Variants in SEC24C observed in about 807,000 individuals in gnomAD.
SEC24C encodes SEC24 homolog C, COPII component.
In SEC24C, 22 loss-of-function variants were observed where a neutral mutation model predicts 117.0. That is an observed-to-expected ratio of 0.19 (90% CI 0.13 to 0.27). SEC24C has a LOEUF of 0.27. Among genes scored for constraint, SEC24C ranks in the 10% least tolerant of loss-of-function variants. SEC24C has a pLI of 1.00. For synonymous variants in SEC24C, 506 were observed against 529.4 expected, an observed-to-expected ratio of 0.96 and a Z score of 0.61; for missense variants, 1,155 against 1,375.1, an observed-to-expected ratio of 0.84 and a Z score of 2.53.
intron 2 of SEC24C, among the ~76,000 whole-genome samples, chr10:73,748,799 A>G (rs937189696): frequency 3.3e-5 from 5 of 151,022 alleles, no homozygotes; most frequent in Non-Finnish European, 7.4e-5. Flanking sequence ...CTGGAGTGCA[A>G]TGGCACAATC....
intron 3 of SEC24C, among the ~76,000 whole-genome samples, chr10:73,755,284 A>C (rs796525279): frequency 1.3e-5 from 2 of 152,306 alleles, no homozygotes; most frequent in African/African-American, 4.8e-5. Context: ...CCAAATTGTA[A>C]GATGAAGATG....
chr10:73,747,467 T>G (rs1364343850), intron 2 of SEC24C, among the ~76,000 whole-genome samples: 1 of 151,786 alleles, frequency 6.6e-6, no homozygotes, highest in Non-Finnish European at 1.5e-5. Context: ...GTTCTCTGCC[T>G]CAGCCTCCTG....
At chr10:73,768,734 A>G (rs576847056) in intron 15 of SEC24C, 76 bp from the exon 16 acceptor site, 1 of 1,355,664 alleles carries the variant, frequency 7.4e-7, no homozygotes, top group South Asian at 1.2e-5. Flanking sequence ...TGTAGAGTGG[A>G]AGGGGTACAG....
chr10:73,746,719 C>G, intron 1 of SEC24C, 86 bp from the exon 2 acceptor site: 1 of 861,996 alleles, frequency 1.2e-6, no homozygotes, highest in Non-Finnish European at 1.7e-6. Flanking sequence ...CTGATAAGGT[C>G]AATTTCTTTT....
chr10:73,757,601 G>T (rs1451707317), intron 3 of SEC24C, among the ~76,000 whole-genome samples: 1 of 151,586 alleles, frequency 6.6e-6, no homozygotes, highest in Non-Finnish European at 1.5e-5. Context: ...CCACACCTCA[G>T]TCCGGGCTGG....
chr10:73,767,645 G>A (rs979228835), intron 14 of SEC24C, among the ~76,000 whole-genome samples, 192 bp from the exon 15 acceptor site: 51 of 152,084 alleles, frequency 3.4e-4, no homozygotes, highest in Non-Finnish European at 8.8e-5. Flanking sequence ...GCCAGCCTGG[G>A]TGACAGAGTG....
Position 73,767,843 on chromosome 10 carries a change from T to C in SEC24C, c.2017T>C (p.Phe673Leu), listed in dbSNP as rs745396364. 1 of 1,609,758 alleles carries C rather than the reference T, an allele frequency of 6.2e-7. No individual in the cohort carries two copies. Among genetic ancestry groups the C allele is most frequent in the Non-Finnish European group, 8.5e-7 (1 of 1,177,680 alleles). The change falls in exon 15 of 23, where the codon TTC (phenylalanine) becomes CTC (leucine). Residue 673 changes from phenylalanine to leucine, a missense_variant. By Grantham distance (22) the Phe-to-Leu change is conservative. Transcript: ENST00000345254. The part of the protein sequence containing the change: ...LINTDKEKTL[F>L]QPQTGAYQTL... ...CCATTTTCTTTCCCCCTAGACTCTG[T>C]TCCAGCCTCAGACAGGTGCCTATCA...
chr10:73,764,135 C>T, intron 8 of SEC24C, 152 bp downstream of exon 8: 1 of 1,060,996 alleles, frequency 9.4e-7, no homozygotes, highest in African/African-American at 1.6e-5. Flanking sequence ...TATCCCAGGG[C>T]CCATGCCTGG....
chr10:73,746,158 C>CAAAAAAA (rs71021568), intron 1 of SEC24C, among the ~76,000 whole-genome samples: 2 of 93,060 alleles, frequency 2.1e-5, no homozygotes, highest in Non-Finnish European at 4.0e-5. Flanking sequence ...GACTCCGTCT[C>CAAAAAAA]AAAAAAAAAA....
intron 2 of SEC24C, among the ~76,000 whole-genome samples, chr10:73,748,279 G>A (rs1296027285): frequency 2.0e-5 from 3 of 151,208 alleles, no homozygotes; most frequent in Non-Finnish European, 4.4e-5. Flanking sequence ...GTGATTACAG[G>A]CTCCCGCCAC....
At chr10:73,748,282 C>A (rs1441255923) in intron 2 of SEC24C, among the ~76,000 whole-genome samples, 1 of 146,336 alleles carries the variant, frequency 6.8e-6, no homozygotes, top group South Asian at 2.2e-4. Context: ...ATTACAGGCT[C>A]CCGCCACCAT....
rs755120127 is a variant in SEC24C, at chr10:73,769,459, C to T, written c.2537C>T (p.Thr846Met). 11 of 1,614,044 alleles carry T rather than the reference C, an allele frequency of 6.8e-6. No homozygotes were observed. The highest frequency in any genetic ancestry group is 4.5e-5 in the East Asian group (2 of 44,888). Residue 846 changes from threonine to methionine, a missense_variant, in exon 18 of 23, where the codon ACG becomes ATG. Physicochemically the swap from Thr to Met is moderately conservative, Grantham distance 81. This residue lies in a region of SEC24C where 759 missense variants were observed against 992.3 expected (regional missense o/e 0.76). Coordinates refer to ENST00000345254, the MANE Select transcript of SEC24C (RefSeq NM_198597.3). The surrounding 1 kb of genome is among the most constrained non-coding windows in gnomAD (Gnocchi z 4.5). ...ADLYRNCETDTLINYMAKFAY... is the reference protein window; with the variant it reads ...ADLYRNCETDMLINYMAKFAY... The stretch of plus-strand genomic sequence containing the variant: ...CTATATCGAAACTGTGAGACTGACA[C>T]GCTCATCAACTACATGGCCAAGTTT...
At chr10:73,751,071 A>G in intron 2 of SEC24C, 37 bp from the exon 3 acceptor site, 2 of 1,597,872 alleles carry the variant, frequency 1.3e-6, no homozygotes, top group Non-Finnish European at 1.7e-6. Flanking sequence ...GGAGAAAGTT[A>G]TTTCCCAATC....
At position 73,760,746 on chromosome 10, in the gene SEC24C, A is replaced by G. The variant is rs1424633213; in HGVS notation, c.884A>G (p.Asn295Ser). Residue 295 changes from asparagine (N) to serine (S), a missense_variant, in exon 6 of 23, where the codon AAT (asparagine) becomes AGT (serine). Asn to Ser is a conservative substitution (Grantham distance 46). Around this residue, in one of 2 missense-constraint regions of SEC24C, gnomAD observed 396 missense variants for 382.8 expected, o/e 1.03. Transcript: ENST00000345254. ...GGACCAGCCCGGGGCCCTCAGTCTA[A>G]TTATGGAGGCCCCTACCCAGCAGCA... is the stretch of plus-strand genomic sequence containing the variant. ...SFGPARGPQSNYGGPYPAAPT... is the reference protein window; with the variant it reads ...SFGPARGPQSSYGGPYPAAPT... 6.2e-7 allele frequency: 1 copy of G among 1,613,242 alleles called. No individual in the cohort carries two copies. Among genetic ancestry groups the G allele is most frequent in the South Asian group, 1.1e-5 (1 of 91,006 alleles).
Position 73,769,240 on chromosome 10 carries a change from A to G in SEC24C, c.2424+88A>G, listed in dbSNP as rs2082934939. ...AGGAATGGGTAGAGAGCACTAAAAG[A>G]AGAGACAGGGCACGGGAGTGGCTCA... On this transcript the variant is annotated intron_variant, in intron 17 of 22. Coordinates refer to ENST00000345254, the MANE Select transcript of SEC24C (RefSeq NM_198597.3). The surrounding 1 kb of genome is among the most constrained non-coding windows in gnomAD (Gnocchi z 4.5). 1 of 1,589,536 alleles carries G rather than the reference A, an allele frequency of 6.3e-7. No homozygotes were observed. Among genetic ancestry groups the G allele is most frequent in the Non-Finnish European group, 8.6e-7 (1 of 1,166,446 alleles).
chr10:73,770,816 C>A lies in SEC24C; in HGVS notation c.3144+18C>A. Reference sequence around the variant, plus strand: ...ACATGAAGGTAACACTGATCTGAACCCTGGATTTCTTACCTTGTCAAGTCC... The same window carrying A: ...ACATGAAGGTAACACTGATCTGAACACTGGATTTCTTACCTTGTCAAGTCC... On this transcript the variant is annotated intron_variant, in intron 22 of 22. Coordinates refer to ENST00000345254, the MANE Select transcript of SEC24C (RefSeq NM_198597.3). 1 of 1,613,658 alleles carries A rather than the reference C, an allele frequency of 6.2e-7. No homozygotes were observed. Among genetic ancestry groups the A allele is most frequent in the Non-Finnish European group, 8.5e-7 (1 of 1,179,606 alleles).
chr10:73,745,535 G>C (rs1354549060), intron 1 of SEC24C, among the ~76,000 whole-genome samples: 1 of 138,518 alleles, frequency 7.2e-6, no homozygotes, highest in African/African-American at 2.6e-5. Flanking sequence ...CCTTGCTAGA[G>C]TTTTCAGGTG....
In SEC24C at chr10:73,771,477, G is replaced by T. The variant is rs1253928643; in HGVS notation, c.*382G>T. On this transcript the variant is annotated 3_prime_UTR_variant, in exon 23 of 23. Transcript: ENST00000345254. ...GGCAGGAAAGAGTGGGGATCCTAAG[G>T]TTACTACAGGGGGCTCAGTGTCATC... The T allele has an allele frequency of 9.8e-6, 2 of 204,568 alleles. No individual in the cohort carries two copies. The highest frequency in any genetic ancestry group is 2.0e-5 in the Non-Finnish European group (2 of 99,688). The allele number at this position is 204,568 out of a possible 1,614,324, so 12.7% of individuals were successfully genotyped here. A position where few individuals can be genotyped will look rare whatever the true frequency, so the allele number is the denominator to read the frequency against.
rs1437061760 is a variant in SEC24C at position 73,769,374 on chromosome 10, G to A, written c.2452G>A (p.Gly818Arg). The A allele has an allele frequency of 1.9e-6, 3 of 1,613,922 alleles. No homozygotes were observed. The highest frequency in any genetic ancestry group is 2.5e-6 in the Non-Finnish European group (3 of 1,179,984). ...TGCCCTGCTTTACACCAGCTGTGCA[G>A]GGCAGCGTCGGCTCCGCATCCATAA... ...QCALLYTSCA[G>R]QRRLRIHNLA... Residue 818 changes from glycine (G) to arginine (R), a missense_variant, in exon 18 of 23, where the codon GGG (glycine) becomes AGG (arginine). Physicochemically the swap from Gly to Arg is moderately radical, Grantham distance 125. Coordinates refer to ENST00000345254, the MANE Select transcript of SEC24C (RefSeq NM_198597.3). This position sits in a 1 kb window ranked among gnomAD's most constrained non-coding sequence, Gnocchi z 4.5.
Sources: gnomAD v4.1 joint callset for allele counts (sites outside exome capture counted in the v4.1 genomes callset) on GRCh38, gnomAD v4.1.1 for gene constraint, gnomAD v4.1.1 regional missense constraint, Gnocchi (gnomAD v3.1) non-coding constraint, MANE v1.5 for transcripts, NCBI Gene and HGNC (gene_info 2026-07-23, HGNC 2026-07-21) for gene names.